Variants in WDR53 observed in about 807,000 individuals in gnomAD.
WDR53 encodes the protein WD repeat-containing protein 53.
Under a neutral mutation model 21.3 loss-of-function variants are expected in WDR53, and 19 were observed. The ratio of observed to expected loss-of-function variants is 0.89; its 90% confidence interval spans 0.62 to 1.31. WDR53 has a LOEUF of 1.31. Ranked by LOEUF, WDR53 falls within the 50% of genes most tolerant of loss-of-function variation. WDR53 has a pLI of 0.00. For synonymous variants in WDR53, 157 were observed against 163.4 expected (o/e 0.96, Z 0.30); for missense variants, 374 against 423.2 (o/e 0.88, Z 1.02).
rs967878030 is a variant in WDR53 at position 196,558,199 on chromosome 3, T to C, written c.480+2797A>G. On this transcript the variant is annotated intron_variant, in intron 3 of 3. Coordinates refer to ENST00000332629, the MANE Select transcript of WDR53 (RefSeq NM_182627.3). ...CTTTTAGGGTCCCTGCCTCTTTGAA[T>C]GCGCTTTGCCTATTTTATTTTTTTG... 2.0e-5 allele frequency among the ~76,000 whole-genome samples: 3 copies of C among 152,190 alleles called. No homozygotes were observed. The East Asian group carries it at 5.8e-4, about 29-fold the overall frequency.
Position 196,567,079 on chromosome 3 carries a change from A to T in WDR53, c.-219T>A, listed in dbSNP as rs995986800. On this transcript the variant is annotated 5_prime_UTR_variant, in exon 2 of 4. In the 5' UTR this introduces an upstream ATG that the reference lacks. Transcript: ENST00000332629. Reference sequence around the variant, plus strand: ...AGTCATACCACCACCGTCCCGTTCAAGAGTCTGTGCCTCTAAGGCTGTTCA... The same window carrying T: ...AGTCATACCACCACCGTCCCGTTCATGAGTCTGTGCCTCTAAGGCTGTTCA... 1 of 451,122 alleles carries T rather than the reference A, an allele frequency of 2.2e-6. No homozygotes were observed. Among genetic ancestry groups the T allele is most frequent in the Non-Finnish European group, 4.5e-6 (1 of 224,066 alleles). The allele number at this position is 451,122 out of a possible 1,614,324, so 27.9% of individuals were successfully genotyped here.
rs879029414 is a variant in WDR53, at chr3:196,566,938, G to A, written c.-78C>T. 8.7e-6 allele frequency: 2 copies of A among 230,240 alleles called. No individual in the cohort carries two copies. Among genetic ancestry groups the A allele is most frequent in the South Asian group, 9.3e-5 (2 of 21,398 alleles). The allele number at this position is 230,240 out of a possible 1,614,324, so 14.3% of individuals were successfully genotyped here. A position where few individuals can be genotyped will look rare whatever the true frequency, so the allele number is the denominator to read the frequency against. On this transcript the variant is annotated 5_prime_UTR_variant, in exon 2 of 4. Transcript: ENST00000332629. ...GCCGTTGAAAGTCACCTCAGCGGCT[G>A]GACTAGATTAGTAAGAATGACAACA...
Position 196,561,162 on chromosome 3 carries a change from G to A in WDR53, c.314C>T (p.Thr105Met), listed in dbSNP as rs750007620. 1.4e-5 allele frequency: 22 copies of A among 1,614,046 alleles called. No individual in the cohort carries two copies. Among genetic ancestry groups the A allele is most frequent in the East Asian group, 4.5e-5 (2 of 44,894 alleles). ...GTCAGCAGAAGCCAGCAGGTTTTCC[G>A]TTTGATTCAATGAAAGACAATTGAT... ...EEINCLSLNQ[T>M]ENLLASADDS... Residue 105 changes from threonine (T) to methionine (M), a missense_variant, in exon 3 of 4, where the codon ACG becomes ATG. By Grantham distance (81) the Thr-to-Met change is moderately conservative. Coordinates refer to ENST00000332629, the MANE Select transcript of WDR53 (RefSeq NM_182627.3).
At chr3:196,556,688 C>T (rs1437985065) in intron 3 of WDR53, among the ~76,000 whole-genome samples, 1 of 151,292 alleles carries the variant, frequency 6.6e-6, no homozygotes, top group African/African-American at 2.4e-5. Context: ...CACACACACA[C>T]ACACAGAAAA....
At chr3:196,558,068 C>T (rs774036425) in intron 3 of WDR53, among the ~76,000 whole-genome samples, 6 of 151,848 alleles carry the variant, frequency 4.0e-5, no homozygotes, top group Admixed American at 6.6e-5. Flanking sequence ...TGAGCCACTG[C>T]GCCTGGCCTA....
chr3:196,560,887 A>ATTTC (rs1433807164), intron 3 of WDR53, 109 bp downstream of exon 3: 31 of 1,339,162 alleles, frequency 2.3e-5, no homozygotes, highest in Non-Finnish European at 2.0e-6. Context: ...ATAAATGGAT[A>ATTTC]TGTTAGTAGA....
intron 2 of WDR53, among the ~76,000 whole-genome samples, chr3:196,562,977 T>C (rs965588062): frequency 1.3e-5 from 2 of 151,974 alleles, no homozygotes; most frequent in African/African-American, 2.4e-5. Flanking sequence ...AGACCACTTA[T>C]GTGCACCACC....
intron 2 of WDR53, among the ~76,000 whole-genome samples, chr3:196,566,312 T>C (rs1210951749): frequency 6.6e-6 from 1 of 151,714 alleles, no homozygotes; most frequent in Non-Finnish European, 1.5e-5. Context: ...CTGGTCTAAC[T>C]CCTGAGCTCA....
At chr3:196,560,128 C>T (rs1560303237) in intron 3 of WDR53, among the ~76,000 whole-genome samples, 1 of 152,218 alleles carries the variant, frequency 6.6e-6, no homozygotes, top group Non-Finnish European at 1.5e-5. Flanking sequence ...ATTTTTTCCC[C>T]TCATGAAAAC....
rs1734807059 is a variant in WDR53 at position 196,561,136 on chromosome 3, C to A, written c.340G>T (p.Asp114Tyr). The change falls in exon 3 of 4, where the codon GAC becomes TAC. Residue 114 changes from aspartate to tyrosine, a missense_variant. By Grantham distance (160) the Asp-to-Tyr change is radical. Transcript: ENST00000332629. ...QTENLLASAD[D>Y]SGAIKILDLE... ...TCTAGGATTTTGATTGCCCCAGAGT[C>A]GTCAGCAGAAGCCAGCAGGTTTTCC... 3 of 1,614,158 alleles carry A rather than the reference C, an allele frequency of 1.9e-6. No homozygotes were observed. Among genetic ancestry groups the A allele is most frequent in the Non-Finnish European group, 2.5e-6 (3 of 1,180,044 alleles).
intron 3 of WDR53, among the ~76,000 whole-genome samples, chr3:196,557,585 T>C (rs1209460416): frequency 6.6e-6 from 1 of 152,120 alleles, no homozygotes; most frequent in African/African-American, 2.4e-5. Context: ...GGTCTGTAAG[T>C]GTTGGGATTT....
intron 2 of WDR53, among the ~76,000 whole-genome samples, chr3:196,564,749 G>A (rs1340567890): frequency 2.0e-5 from 3 of 152,062 alleles, no homozygotes; most frequent in Non-Finnish European, 4.4e-5. Context: ...TTGAAGTCAG[G>A]AAGTCTGTAC....
At chr3:196,556,667 A>AG (rs1324847325) in intron 3 of WDR53, among the ~76,000 whole-genome samples, 1 of 147,282 alleles carries the variant, frequency 6.8e-6, no homozygotes, top group South Asian at 2.2e-4. Flanking sequence ...AAAAAAAAAA[A>AG]AAAGAAAATA....
chr3:196,560,615 A>G lies in WDR53; in HGVS notation c.480+381T>C, dbSNP rs189420449. On this transcript the variant is annotated intron_variant, in intron 3 of 3. Coordinates refer to ENST00000332629, the MANE Select transcript of WDR53 (RefSeq NM_182627.3). ...CAATACACACTATTTCAGTTAATGT[A>G]CCCCAGAACTTTAAAGTAAAAACAG... is the stretch of plus-strand genomic sequence containing the variant. Among the ~76,000 whole-genome samples the G allele has an allele frequency of 8.6e-5, 13 of 151,338 alleles. No individual in the cohort carries two copies. In the East Asian group the frequency reaches 1.5e-3, roughly 18 times the overall value.
At chr3:196,556,326 G>A (rs112629465) in intron 3 of WDR53, among the ~76,000 whole-genome samples, 1 of 152,086 alleles carries the variant, frequency 6.6e-6, no homozygotes. Flanking sequence ...GGGATTACAC[G>A]CATCAGCCAC....
At chr3:196,558,030 G>A (rs1734494166) in intron 3 of WDR53, among the ~76,000 whole-genome samples, 2 of 151,974 alleles carry the variant, frequency 1.3e-5, no homozygotes, top group African/African-American at 2.4e-5. Context: ...ACCTGCCATG[G>A]CCTCCCAAAG....
At chr3:196,565,831 T>C (rs1236794988) in intron 2 of WDR53, among the ~76,000 whole-genome samples, 2 of 152,206 alleles carry the variant, frequency 1.3e-5, no homozygotes, top group Non-Finnish European at 2.9e-5. Context: ...AAACAATTTT[T>C]CAGAAATGAG....
intron 3 of WDR53, among the ~76,000 whole-genome samples, chr3:196,556,985 A>T (rs1734375289): frequency 6.6e-6 from 1 of 152,184 alleles, no homozygotes; most frequent in Non-Finnish European, 1.5e-5. Context: ...CTTTTCTAAA[A>T]TGCTAAAGAC....
chr3:196,554,924 A>T, intron 3 of WDR53, 117 bp from the exon 4 acceptor site: 2 of 805,984 alleles, frequency 2.5e-6, no homozygotes, highest in Non-Finnish European at 4.0e-6. Flanking sequence ...GCAGTAGTGC[A>T]CGTTCTCAGC....
Sources: gnomAD v4.1 joint callset for allele counts (sites outside exome capture counted in the v4.1 genomes callset) on GRCh38, gnomAD v4.1.1 for gene constraint, MANE v1.5 for transcripts, NCBI Gene and HGNC (gene_info 2026-07-23, HGNC 2026-07-21) for gene names.